The following MTA3 variants were observed in gnomAD, a reference collection of about 807,000 sequenced individuals.
The protein encoded by MTA3 is metastasis-associated protein MTA3.
A neutral mutation model predicts 83.5 loss-of-function variants in MTA3; 34 were observed. That is an observed-to-expected ratio of 0.41 (90% CI 0.31 to 0.54). The LOEUF is 0.54. MTA3 is among the 20% of genes least tolerant of loss of function. The pLI, the probability that MTA3 is intolerant of heterozygous loss-of-function variation, is 0.33. For synonymous variants in MTA3, 303 were observed against 252.7 expected, an observed-to-expected ratio of 1.20 and a Z score of -1.89; for missense variants, 761 against 726.4, an observed-to-expected ratio of 1.05 and a Z score of -0.55.
rs754723724 is a variant in MTA3, at chr2:42,546,994, T to C, written c.-140-23443T>C. Among the ~76,000 whole-genome samples the C allele has an allele frequency of 1.3e-3, 203 of 152,340 alleles. 1 individual carries two copies. Among genetic ancestry groups the C allele is most frequent in the Non-Finnish European group, 1.6e-3 (106 of 68,032 alleles). ...CGTAGGGAGCTAGCAGGGGCTAATC[T>C]GCCAGGCTTCACGAGGATGTGGACT... On this transcript the variant is annotated intron_variant, in intron 2 of 17. Coordinates refer to the MTA3 transcript ENST00000405592.
chr2:42,597,836 G>A (rs974581386), intron 3 of MTA3, among the ~76,000 whole-genome samples: 2 of 150,870 alleles, frequency 1.3e-5, no homozygotes, highest in Non-Finnish European at 2.9e-5. Context: ...GTGTGTCATC[G>A]TGTCTGGTTA....
At chr2:42,625,679 G>A (rs1450446847) in intron 4 of MTA3, among the ~76,000 whole-genome samples, 27 of 148,442 alleles carry the variant, frequency 1.8e-4, no homozygotes, top group Non-Finnish European at 3.0e-5. Context: ...CCCGGGAGGC[G>A]GAGGTTGCAG....
chr2:42,510,819 C>T (rs979803157), intron 2 of MTA3, among the ~76,000 whole-genome samples: 1 of 152,204 alleles, frequency 6.6e-6, no homozygotes. Flanking sequence ...GATGCCCCCA[C>T]TCTGACCCTT....
intron 14 of MTA3, chr2:42,709,433 C>A: frequency 2.3e-6 from 1 of 430,262 alleles, no homozygotes; most frequent in Non-Finnish European, 3.7e-6. Context: ...TAGGTAGTGC[C>A]ACAATGTAAC....
intron 2 of MTA3, among the ~76,000 whole-genome samples, chr2:42,541,180 C>T (rs570319122): frequency 3.3e-5 from 5 of 152,116 alleles, no homozygotes; most frequent in South Asian, 2.1e-4. Flanking sequence ...TACAGGCATG[C>T]ACCACCATGC....
At chr2:42,530,118 G>C (rs1675889951) in intron 2 of MTA3, among the ~76,000 whole-genome samples, 1 of 151,240 alleles carries the variant, frequency 6.6e-6, no homozygotes, top group Non-Finnish European at 1.5e-5. Flanking sequence ...CCGGAGGGCA[G>C]AGGTTGCAGT....
At chr2:42,534,411 C>A (rs1288460329) in intron 2 of MTA3, among the ~76,000 whole-genome samples, 2 of 152,146 alleles carry the variant, frequency 1.3e-5, no homozygotes, top group African/African-American at 4.8e-5. Context: ...GCCTGGCCAA[C>A]ACGGCAAAAC....
chr2:42,529,026 A>G (rs2103715059), intron 2 of MTA3, among the ~76,000 whole-genome samples: 1 of 152,322 alleles, frequency 6.6e-6, no homozygotes, highest in South Asian at 2.1e-4. Flanking sequence ...ACATCCCGTT[A>G]AGTTACAGTT....
intron 2 of MTA3, among the ~76,000 whole-genome samples, chr2:42,571,386 CAAAAAAAAAAAAAA>C (rs34003791): frequency 3.1e-5 from 2 of 63,806 alleles, no homozygotes; most frequent in African/African-American, 6.8e-5. Flanking sequence ...AACACTGTCT[CAAAAAAAAAAAAAA>C]AAAAAAAAAA....
At chr2:42,699,124 C>CT (rs1344705759) in intron 11 of MTA3, among the ~76,000 whole-genome samples, 2 of 152,180 alleles carry the variant, frequency 1.3e-5, no homozygotes, top group East Asian at 3.8e-4. Flanking sequence ...TCAATGTAAT[C>CT]TAAGTCAGGG....
intron 3 of MTA3, among the ~76,000 whole-genome samples, chr2:42,582,802 T>G (rs560258697): frequency 1.3e-5 from 2 of 152,292 alleles, no homozygotes; most frequent in Admixed American, 6.5e-5. Flanking sequence ...AGCCTGTTGG[T>G]ATTAACTCGT....
intron 2 of MTA3, among the ~76,000 whole-genome samples, chr2:42,496,589 T>C (rs1674146034): frequency 6.7e-6 from 1 of 148,696 alleles, no homozygotes; most frequent in African/African-American, 2.5e-5. Flanking sequence ...CCTAGAGGTT[T>C]TCTAGTTTCA....
At chr2:42,691,214 G>T (rs1259164566) in intron 9 of MTA3, among the ~76,000 whole-genome samples, 2 of 152,038 alleles carry the variant, frequency 1.3e-5, no homozygotes, top group Non-Finnish European at 1.5e-5. Context: ...GTTTCACCAT[G>T]TTGGCCAGGA....
chr2:42,512,904 A>G (rs1253818556), intron 2 of MTA3, among the ~76,000 whole-genome samples: 1 of 152,208 alleles, frequency 6.6e-6, no homozygotes, highest in East Asian at 1.9e-4. Context: ...TATATTCTAT[A>G]TAAACATTCT....
At chr2:42,509,146 G>A (rs559882912) in intron 2 of MTA3, among the ~76,000 whole-genome samples, 59 of 151,950 alleles carry the variant, frequency 3.9e-4, no homozygotes, top group African/African-American at 1.3e-3. Flanking sequence ...AGGTTCAAGC[G>A]ATTCCCTTGC....
intron 2 of MTA3, among the ~76,000 whole-genome samples, chr2:42,510,603 A>G (rs918708508): frequency 1.3e-5 from 2 of 152,348 alleles, no homozygotes; most frequent in Middle Eastern, 6.8e-3. Context: ...ATGAAACAAA[A>G]GAACTGCTTC....
At chr2:42,537,573 T>A (rs6757452) in intron 2 of MTA3, among the ~76,000 whole-genome samples, 123,181 of 150,978 alleles carry the variant, frequency 0.82, 50,970 homozygotes, top group African/African-American at 0.95. Context: ...CTCAAAAAAA[T>A]AAATAAATAA....
At chr2:42,542,070 A>G (rs990756251) in intron 2 of MTA3, among the ~76,000 whole-genome samples, 2 of 152,168 alleles carry the variant, frequency 1.3e-5, no homozygotes, top group Non-Finnish European at 2.9e-5. Context: ...TACACTGATA[A>G]TCCCTGCTTT....
At chr2:42,612,916 A>C (rs1684401194) in intron 4 of MTA3, among the ~76,000 whole-genome samples, 1 of 152,134 alleles carries the variant, frequency 6.6e-6, no homozygotes, top group African/African-American at 2.4e-5. Context: ...CAGTCTTAAG[A>C]CTCTTGCCAG....
Sources: allele counts gnomAD v4.1 joint callset (sites outside exome capture counted in the v4.1 genomes callset), GRCh38; gene constraint gnomAD v4.1.1; transcripts MANE v1.5; gene names NCBI Gene and HGNC (gene_info 2026-07-23, HGNC 2026-07-21).